MGAT4C: variants seen among roughly 807,000 people sequenced by gnomAD.
The protein encoded by MGAT4C is MGAT4 family member C, also known as alpha-1,3-mannosyl-glycoprotein 4-beta-N-acetylglucosaminyltransferase C.
In MGAT4C, 19 loss-of-function variants were observed where a neutral mutation model predicts 40.1. That is an observed-to-expected ratio of 0.47 (90% CI 0.33 to 0.70). The LOEUF is 0.70. Among genes scored for constraint, MGAT4C ranks in the 30% least tolerant of loss-of-function variants. MGAT4C has a pLI of 0.02. For synonymous variants in MGAT4C, 181 were observed against 187.1 expected, an observed-to-expected ratio of 0.97 and a Z score of 0.27; for missense variants, 491 against 563.2, an observed-to-expected ratio of 0.87 and a Z score of 1.30.
intron 1 of MGAT4C, among the ~76,000 whole-genome samples, chr12:86,207,113 T>C (rs115655966): frequency 0.75 from 110,145 of 147,626 alleles, 41,035 homozygotes; most frequent in Middle Eastern, 0.8. Context: ...TTTTTTTTCT[T>C]TTTTTTTTTT....
chr12:86,179,334 T>A (rs913567717), intron 1 of MGAT4C, among the ~76,000 whole-genome samples: 1 of 152,192 alleles, frequency 6.6e-6, no homozygotes, highest in African/African-American at 2.4e-5. Context: ...TTTGGGTATG[T>A]CTTTATCAGC....
In MGAT4C at chr12:85,961,938, G is replaced by A. The variant is rs1883133645; in HGVS notation, c.*17351C>T. On this transcript the variant is annotated 3_prime_UTR_variant, in exon 5 of 5. Transcript: ENST00000611864. ...TTGTCAAAAATCATTGCCCATCAAAGCAGTGAGACTGTGTGCTATGTCCAG... is the reference window on the plus strand; with the variant it reads ...TTGTCAAAAATCATTGCCCATCAAAACAGTGAGACTGTGTGCTATGTCCAG... 6.6e-6 allele frequency: 1 copy of A among 151,846 alleles called. No individual in the cohort carries two copies. Among genetic ancestry groups the A allele is most frequent in the Non-Finnish European group, 1.5e-5 (1 of 67,752 alleles). 9.4% of individuals were successfully genotyped at this position (151,846 alleles called of 1,614,324 possible). A position where few individuals can be genotyped will look rare whatever the true frequency, so the allele number is the denominator to read the frequency against.
intron 1 of MGAT4C, among the ~76,000 whole-genome samples, chr12:86,216,750 C>A (rs1393744123): frequency 4.6e-5 from 7 of 152,098 alleles, no homozygotes; most frequent in African/African-American, 1.7e-4. Context: ...CATGACTTGG[C>A]TAATCCTTGG....
intron 1 of MGAT4C, among the ~76,000 whole-genome samples, chr12:86,131,128 C>G (rs750131568): frequency 1.3e-5 from 2 of 152,042 alleles, no homozygotes; most frequent in African/African-American, 2.4e-5. Flanking sequence ...AATTACTAGC[C>G]ATACGGCTTT....
Position 86,513,436 on chromosome 12 carries a change from G to T in MGAT4C, c.-228-78171C>A, listed in dbSNP as rs1592939417. Among the ~76,000 whole-genome samples the T allele has an allele frequency of 2.0e-5, 3 of 152,228 alleles. 1 individual carries two copies. In the South Asian group the frequency reaches 6.2e-4, roughly 32 times the overall value. ...CTCCATTTCAGACTTTTCATGACTG[G>T]TCTGAAAGCTTCTCTTCTTGCACGC... On this transcript the variant is annotated intron_variant, in intron 2 of 7. Transcript: ENST00000548651.
At chr12:86,677,306 A>G (rs1949884888) in intron 2 of MGAT4C, among the ~76,000 whole-genome samples, 1 of 152,136 alleles carries the variant, frequency 6.6e-6, no homozygotes, top group African/African-American at 2.4e-5. Context: ...CAATCTCTTG[A>G]TGGCTATTAG....
chr12:86,592,179 C>T (rs1024481997), intron 2 of MGAT4C, among the ~76,000 whole-genome samples: 3 of 151,944 alleles, frequency 2.0e-5, no homozygotes, highest in Non-Finnish European at 4.4e-5. Context: ...GTTGATTGAA[C>T]CAAATCAAGT....
chr12:85,982,988 T>C (rs1884784202), intron 4 of MGAT4C, among the ~76,000 whole-genome samples: 2 of 152,252 alleles, frequency 1.3e-5, no homozygotes, highest in South Asian at 4.1e-4. Flanking sequence ...GATTCTCCCT[T>C]AGAACTTTCA....
intron 1 of MGAT4C, among the ~76,000 whole-genome samples, chr12:86,191,340 C>A (rs1426251178): frequency 2.0e-5 from 3 of 151,670 alleles, no homozygotes; most frequent in Non-Finnish European, 4.4e-5. Context: ...TGTGGTGTGA[C>A]GTGGCAAGAA....
At chr12:86,533,681 A>T (rs905197967) in intron 2 of MGAT4C, among the ~76,000 whole-genome samples, 1 of 151,606 alleles carries the variant, frequency 6.6e-6, no homozygotes, top group Non-Finnish European at 1.5e-5. Context: ...TTACATAATT[A>T]TAACTTTATA....
intron 2 of MGAT4C, among the ~76,000 whole-genome samples, chr12:85,998,525 C>A (rs970416038): frequency 2.6e-5 from 4 of 152,194 alleles, no homozygotes; most frequent in East Asian, 3.9e-4. Flanking sequence ...TAACAGCACA[C>A]AAGTCACCTC....
intron 3 of MGAT4C, among the ~76,000 whole-genome samples, chr12:86,357,159 C>CCTGCAATATTTGCTGTT (rs1955334106): frequency 6.6e-6 from 1 of 152,152 alleles, no homozygotes; most frequent in Non-Finnish European, 1.5e-5. Context: ...TATTTGCTGT[C>CCTGCAATATTTGCTGTT]CTGCAATATT....
At chr12:86,322,032 A>T (rs1449926488) in intron 4 of MGAT4C, among the ~76,000 whole-genome samples, 1 of 152,058 alleles carries the variant, frequency 6.6e-6, no homozygotes, top group Non-Finnish European at 1.5e-5. Context: ...ACCATGGAAT[A>T]CTATGCAGCC....
intron 1 of MGAT4C, among the ~76,000 whole-genome samples, chr12:86,735,411 G>A (rs1950969501): frequency 6.6e-6 from 1 of 151,844 alleles, no homozygotes; most frequent in Non-Finnish European, 1.5e-5. Flanking sequence ...ACATCAGAAA[G>A]GAAAGGGGGA....
chr12:86,598,805 T>C (rs1372843932), intron 2 of MGAT4C, among the ~76,000 whole-genome samples: 1 of 152,150 alleles, frequency 6.6e-6, no homozygotes. Flanking sequence ...TTTAAACTTC[T>C]TGGAGGCAAA....
chr12:86,814,512 C>A (rs544918273), intron 1 of MGAT4C, among the ~76,000 whole-genome samples: 1 of 151,294 alleles, frequency 6.6e-6, no homozygotes, highest in African/African-American at 2.4e-5. Flanking sequence ...AATTCCAATG[C>A]TCTTATATTA....
At chr12:86,305,559 C>A (rs564257104) in intron 4 of MGAT4C, among the ~76,000 whole-genome samples, 1 of 149,978 alleles carries the variant, frequency 6.7e-6, no homozygotes, top group East Asian at 2.0e-4. Context: ...AAATTAAATA[C>A]CTCTTAAAAT....
At chr12:86,560,620 G>T (rs1959817110) in intron 2 of MGAT4C, among the ~76,000 whole-genome samples, 1 of 152,108 alleles carries the variant, frequency 6.6e-6, no homozygotes, top group Non-Finnish European at 1.5e-5. Context: ...GGCAAATTCA[G>T]CATAGAAGAT....
chr12:86,434,863 C>T (rs189954942), intron 3 of MGAT4C, among the ~76,000 whole-genome samples: 2 of 151,832 alleles, frequency 1.3e-5, no homozygotes, highest in Admixed American at 6.6e-5. Flanking sequence ...TTTGTCCTGT[C>T]CAGAAGATCT....
Sources: gnomAD v4.1 joint callset for allele counts (sites outside exome capture counted in the v4.1 genomes callset) on GRCh38, gnomAD v4.1.1 for gene constraint, MANE v1.5 for transcripts, NCBI Gene and HGNC (gene_info 2026-07-23, HGNC 2026-07-21) for gene names.